UBE2E2: variants seen among roughly 807,000 people sequenced by gnomAD.
UBE2E2 encodes ubiquitin conjugating enzyme E2 E2, also known as ubiquitin-conjugating enzyme E2 E2.
Under a neutral mutation model 24.7 loss-of-function variants are expected in UBE2E2, and 6 were observed. The observed-to-expected ratio is 0.24, with a 90% CI of 0.13 to 0.48. The LOEUF is 0.48. Ranked by LOEUF, UBE2E2 falls within the 20% of genes least tolerant of loss-of-function variation. The pLI, the probability that UBE2E2 is intolerant of heterozygous loss-of-function variation, is 0.99. For synonymous variants in UBE2E2, 104 were observed against 83.6 expected, an observed-to-expected ratio of 1.24 and a Z score of -1.33; for missense variants, 169 against 245.0, an observed-to-expected ratio of 0.69 and a Z score of 2.07.
chr3:23,584,851 C>G (rs1696581478), intron 5 of UBE2E2, among the ~76,000 whole-genome samples: 1 of 151,414 alleles, frequency 6.6e-6, no homozygotes, highest in Non-Finnish European at 1.5e-5. Flanking sequence ...AGATTACAGG[C>G]ATGAGCCGCT....
intron 3 of UBE2E2, among the ~76,000 whole-genome samples, chr3:23,244,025 C>T (rs1697322600): frequency 6.6e-6 from 1 of 151,310 alleles, no homozygotes. Flanking sequence ...TTAAAAAAAC[C>T]TGTACAGTTT....
chr3:23,413,491 A>C (rs1697545834), intron 3 of UBE2E2, among the ~76,000 whole-genome samples: 1 of 152,112 alleles, frequency 6.6e-6, no homozygotes, highest in Non-Finnish European at 1.5e-5. Flanking sequence ...GCAGTGCCCC[A>C]GCCAGTCTGT....
At chr3:23,355,330 G>T (rs1363670738) in intron 3 of UBE2E2, among the ~76,000 whole-genome samples, 1 of 152,040 alleles carries the variant, frequency 6.6e-6, no homozygotes, top group East Asian at 1.9e-4. Flanking sequence ...GTATACATAC[G>T]TAACCTGTAC....
chr3:23,564,949 A>G (rs1696031287), intron 5 of UBE2E2, among the ~76,000 whole-genome samples: 1 of 152,196 alleles, frequency 6.6e-6, no homozygotes, highest in African/African-American at 2.4e-5. Flanking sequence ...GAGAAGGGCA[A>G]GGAAAAGGTG....
intron 3 of UBE2E2, among the ~76,000 whole-genome samples, chr3:23,430,682 C>G (rs572989653): frequency 6.6e-6 from 1 of 152,066 alleles, no homozygotes; most frequent in African/African-American, 2.4e-5. Context: ...CTGCCCCTGG[C>G]TTATTTACTT....
chr3:23,230,145 TTAAG>T (rs1696935064), intron 3 of UBE2E2, among the ~76,000 whole-genome samples: 2 of 152,218 alleles, frequency 1.3e-5, no homozygotes, highest in African/African-American at 2.4e-5. Context: ...GGGAGACAAT[TTAAG>T]TAAAATACCT....
At chr3:23,324,658 A>G (rs1055023417) in intron 3 of UBE2E2, among the ~76,000 whole-genome samples, 1 of 152,114 alleles carries the variant, frequency 6.6e-6, no homozygotes, top group Non-Finnish European at 1.5e-5. Context: ...CATCCTTATT[A>G]TTTTTTGTAT....
At chr3:23,415,434 C>A (rs1697599878) in intron 3 of UBE2E2, among the ~76,000 whole-genome samples, 1 of 152,184 alleles carries the variant, frequency 6.6e-6, no homozygotes, top group South Asian at 2.1e-4. Flanking sequence ...ACATCCTTTG[C>A]TACCATAGTA....
At chr3:23,513,008 A>C (rs949429743) in intron 4 of UBE2E2, among the ~76,000 whole-genome samples, 4 of 152,164 alleles carry the variant, frequency 2.6e-5, no homozygotes, top group Non-Finnish European at 4.4e-5. Flanking sequence ...CTGTGTATTT[A>C]TGTTTCCCCC....
intron 3 of UBE2E2, among the ~76,000 whole-genome samples, chr3:23,491,496 G>C (rs1366150057): frequency 1.3e-5 from 2 of 152,172 alleles, no homozygotes; most frequent in Non-Finnish European, 2.9e-5. Context: ...TAAGAACTAG[G>C]GGTCAAATAG....
chr3:23,326,021 T>A (rs1694882222), intron 3 of UBE2E2, among the ~76,000 whole-genome samples: 1 of 152,214 alleles, frequency 6.6e-6, no homozygotes, highest in Admixed American at 6.5e-5. Context: ...CCAAATATAA[T>A]TTTCTGTCTC....
chr3:23,249,667 A>T (rs201010095), intron 3 of UBE2E2, among the ~76,000 whole-genome samples: 78 of 134,956 alleles, frequency 5.8e-4, no homozygotes, highest in East Asian at 2.5e-3. Context: ...TTTTTTTTTT[A>T]AATTTTGAGA....
At chr3:23,588,410 G>GTTTT (rs199679364) in intron 5 of UBE2E2, among the ~76,000 whole-genome samples, 3 of 130,060 alleles carry the variant, frequency 2.3e-5, no homozygotes, top group Non-Finnish European at 3.1e-5. Flanking sequence ...TTGTTTTTTT[G>GTTTT]TTTTTTTTTT....
intron 3 of UBE2E2, among the ~76,000 whole-genome samples, chr3:23,433,386 GATAA>G (rs1698110318): frequency 6.6e-6 from 1 of 151,846 alleles, no homozygotes; most frequent in Non-Finnish European, 1.5e-5. Flanking sequence ...CGTGCTTCTA[GATAA>G]ATAGTGATAG....
intron 3 of UBE2E2, among the ~76,000 whole-genome samples, chr3:23,417,498 A>C (rs951358747): frequency 2.0e-5 from 3 of 152,156 alleles, no homozygotes; most frequent in African/African-American, 4.8e-5. Flanking sequence ...CACTGCTAGG[A>C]GGTGTCTCCC....
chr3:23,297,921 A>G (rs1244265899), intron 3 of UBE2E2, among the ~76,000 whole-genome samples: 1 of 152,068 alleles, frequency 6.6e-6, no homozygotes, highest in East Asian at 1.9e-4. Flanking sequence ...ACCCATGAGT[A>G]TGGAATGTTC....
chr3:23,306,378 G>C (rs565768773), intron 3 of UBE2E2, among the ~76,000 whole-genome samples: 1 of 152,298 alleles, frequency 6.6e-6, no homozygotes, highest in East Asian at 1.9e-4. Flanking sequence ...CAGTAGTTTA[G>C]TTGTGGCTTG....
chr3:23,321,056 A>G (rs1694724963), intron 3 of UBE2E2, among the ~76,000 whole-genome samples: 1 of 152,214 alleles, frequency 6.6e-6, no homozygotes, highest in South Asian at 2.1e-4. Flanking sequence ...GCCGTTGGCC[A>G]TTCCTTGGCT....
intron 3 of UBE2E2, among the ~76,000 whole-genome samples, chr3:23,421,550 G>C (rs1697797212): frequency 6.6e-6 from 1 of 152,150 alleles, no homozygotes; most frequent in African/African-American, 2.4e-5. Flanking sequence ...GAGATTACAG[G>C]CACCTGCCAC....
Sources: allele counts gnomAD v4.1 joint callset (sites outside exome capture counted in the v4.1 genomes callset), GRCh38; gene constraint gnomAD v4.1.1; transcripts MANE v1.5; gene names NCBI Gene and HGNC (gene_info 2026-07-23, HGNC 2026-07-21).